The following CMSS1 variants were observed in gnomAD, a reference collection of about 807,000 sequenced individuals.
The protein encoded by CMSS1 is cms1 ribosomal small subunit homolog.
A neutral mutation model predicts 43.5 loss-of-function variants in CMSS1; 33 were observed. That is an observed-to-expected ratio of 0.76 (90% CI 0.57 to 1.01). The LOEUF is 1.01. CMSS1 is among the 50% of genes least tolerant of loss of function. CMSS1 has a pLI of 0.00. For missense variants in CMSS1, 313 were observed against 326.4 expected (o/e 0.96, Z 0.32); for synonymous variants, 115 against 117.2 (o/e 0.98, Z 0.12).
At chr3:100,174,891 T>C (rs2067137108) in intron 8 of CMSS1, among the ~76,000 whole-genome samples, 1 of 152,218 alleles carries the variant, frequency 6.6e-6, no homozygotes, top group African/African-American at 2.4e-5. Flanking sequence ...CAAGTCACTT[T>C]AGAAGCAATC....
At chr3:99,843,483 G>A (rs1943221682) in intron 1 of CMSS1, among the ~76,000 whole-genome samples, 1 of 152,160 alleles carries the variant, frequency 6.6e-6, no homozygotes, top group Non-Finnish European at 1.5e-5. Flanking sequence ...TTTAAAGAGA[G>A]GGACTATGGT....
intron 1 of CMSS1, among the ~76,000 whole-genome samples, chr3:100,033,224 G>A (rs28714363): frequency 6.6e-6 from 1 of 152,032 alleles, no homozygotes; most frequent in African/African-American, 2.4e-5. Flanking sequence ...TGTAACATTT[G>A]TGGTTTATGT....
intron 1 of CMSS1, among the ~76,000 whole-genome samples, chr3:99,864,034 G>T (rs1357589808): frequency 1.3e-5 from 2 of 152,172 alleles, no homozygotes; most frequent in Admixed American, 1.3e-4. Context: ...TCATGCTAAA[G>T]AAATTAAACT....
intron 1 of CMSS1, among the ~76,000 whole-genome samples, chr3:99,903,687 T>G (rs1185957381): frequency 6.6e-6 from 1 of 152,130 alleles, no homozygotes; most frequent in Admixed American, 6.5e-5. Context: ...AGCTTGCATC[T>G]TAACAGGACC....
intron 1 of CMSS1, among the ~76,000 whole-genome samples, chr3:99,916,977 TATG>T (rs1385007926): frequency 1.3e-5 from 2 of 152,224 alleles, no homozygotes; most frequent in Non-Finnish European, 2.9e-5. Flanking sequence ...GATTTTCACT[TATG>T]AGGCAAAAAT....
chr3:99,900,316 T>C (rs1405980777), intron 1 of CMSS1, among the ~76,000 whole-genome samples: 3 of 152,192 alleles, frequency 2.0e-5, no homozygotes, highest in Non-Finnish European at 4.4e-5. Context: ...TAATAACAAC[T>C]AACACATACC....
In CMSS1 at chr3:100,180,786, G is replaced by C. The variant is rs1375795690; in HGVS notation, c.*2398G>C. The C allele has an allele frequency of 1.3e-5, 2 of 152,072 alleles. No individual in the cohort carries two copies. The highest frequency in any genetic ancestry group is 2.4e-5 in the African/African-American group (1 of 41,380). 9.4% of individuals were successfully genotyped at this position (152,072 alleles called of 1,614,324 possible). A position where few individuals can be genotyped will look rare whatever the true frequency, so the allele number is the denominator to read the frequency against. On this transcript the variant is annotated 3_prime_UTR_variant, in exon 10 of 10. Transcript: ENST00000421999. ...TTCAAAGTTGCTTCCACATTTTTTA[G>C]GTATCTTTATAGAAATGTCCCACTT... is the stretch of plus-strand genomic sequence containing the variant.
intron 1 of CMSS1, among the ~76,000 whole-genome samples, chr3:99,872,526 T>C (rs1035146884): frequency 2.6e-5 from 4 of 152,150 alleles, no homozygotes; most frequent in East Asian, 1.9e-4. Context: ...GTCCCAATCA[T>C]ACACTTACCT....
chr3:99,932,015 T>C (rs1707497021), intron 1 of CMSS1, among the ~76,000 whole-genome samples: 1 of 152,208 alleles, frequency 6.6e-6, no homozygotes, highest in Non-Finnish European at 1.5e-5. Flanking sequence ...TTTAAAAATC[T>C]GAAAAACTCA....
At chr3:99,928,380 G>A (rs548531546) in intron 1 of CMSS1, among the ~76,000 whole-genome samples, 10 of 152,278 alleles carry the variant, frequency 6.6e-5, no homozygotes, top group African/African-American at 2.4e-4. Flanking sequence ...GGGAAGTAGA[G>A]GAAAGAGAGG....
At chr3:99,959,377 T>G (rs1484638494) in intron 1 of CMSS1, among the ~76,000 whole-genome samples, 1 of 152,240 alleles carries the variant, frequency 6.6e-6, no homozygotes, top group Non-Finnish European at 1.5e-5. Flanking sequence ...CTCGAACTCC[T>G]GTCCTCTTGT....
chr3:99,828,139 A>G (rs1459633126), intron 1 of CMSS1, among the ~76,000 whole-genome samples: 1 of 152,006 alleles, frequency 6.6e-6, no homozygotes, highest in African/African-American at 2.4e-5. Flanking sequence ...TTCCTGTTTT[A>G]TGCTTCTTTT....
chr3:99,930,841 A>G (rs746965098), intron 1 of CMSS1: 5 of 1,612,254 alleles, frequency 3.1e-6, no homozygotes, highest in Non-Finnish European at 4.2e-6. Context: ...CTTGGTGGCC[A>G]TTACCACTGT....
At chr3:100,113,002 C>G (rs1255946697) in intron 1 of CMSS1, among the ~76,000 whole-genome samples, 1 of 152,186 alleles carries the variant, frequency 6.6e-6, no homozygotes, top group Non-Finnish European at 1.5e-5. Flanking sequence ...AATGCATTCT[C>G]TCTAGTATTA....
intron 1 of CMSS1, among the ~76,000 whole-genome samples, chr3:100,032,283 G>C (rs1480867201): frequency 1.3e-5 from 2 of 152,188 alleles, no homozygotes; most frequent in Non-Finnish European, 2.9e-5. Flanking sequence ...GGTAATCTTA[G>C]TTGGTACTAG....
intron 1 of CMSS1, among the ~76,000 whole-genome samples, chr3:99,947,570 A>G (rs1179171844): frequency 2.0e-5 from 3 of 152,234 alleles, no homozygotes; most frequent in Non-Finnish European, 2.9e-5. Context: ...GGAGTCCATG[A>G]GAACTGTCCT....
chr3:99,931,606 A>C (rs1255068529), intron 1 of CMSS1, among the ~76,000 whole-genome samples: 4 of 152,228 alleles, frequency 2.6e-5, no homozygotes, highest in Non-Finnish European at 4.4e-5. Context: ...GTATTAAAGG[A>C]ATGAAGGCTT....
At chr3:99,986,890 C>A (rs976205005) in intron 1 of CMSS1, among the ~76,000 whole-genome samples, 1 of 152,076 alleles carries the variant, frequency 6.6e-6, no homozygotes, top group Non-Finnish European at 1.5e-5. Flanking sequence ...GGTGGAGAAA[C>A]CCTGATCTAG....
intron 1 of CMSS1, among the ~76,000 whole-genome samples, chr3:99,833,653 A>C (rs537402185): frequency 6.6e-6 from 1 of 152,360 alleles, no homozygotes; most frequent in South Asian, 2.1e-4. Context: ...ATCTGTATTG[A>C]CAACGTGTTG....
Sources: gnomAD v4.1 joint callset for allele counts (sites outside exome capture counted in the v4.1 genomes callset) on GRCh38, gnomAD v4.1.1 for gene constraint, MANE v1.5 for transcripts, NCBI Gene and HGNC (gene_info 2026-07-23, HGNC 2026-07-21) for gene names.